The following CARM1 variants were observed in gnomAD, a reference collection of about 807,000 sequenced individuals.
CARM1 encodes the protein coactivator associated arginine methyltransferase 1.
A neutral mutation model predicts 72.7 loss-of-function variants in CARM1; 14 were observed. The observed-to-expected ratio is 0.19, with a 90% confidence interval of 0.13 to 0.30. The LOEUF is 0.30. Ranked by LOEUF, CARM1 falls within the 10% of genes least tolerant of loss-of-function variation. The pLI, the probability that CARM1 is intolerant of heterozygous loss-of-function variation, is 1.00. For synonymous variants in CARM1, 333 were observed against 345.5 expected, an observed-to-expected ratio of 0.96 and a Z score of 0.40; for missense variants, 432 against 833.7, an observed-to-expected ratio of 0.52 and a Z score of 5.93.
rs568491450 is a variant in CARM1 at position 10,921,947 on chromosome 19, C to T, written c.*190C>T. On this transcript the variant is annotated 3_prime_UTR_variant, in exon 16 of 16. Transcript: ENST00000327064. ...CCCACCCTAACCCCCACCTCCCGGC[C>T]CTGAGCGTGTGTCGCTGCCATATTT... 1.2e-5 allele frequency: 7 copies of T among 561,740 alleles called. No individual in the cohort carries two copies. The highest frequency in any genetic ancestry group is 2.2e-5 in the Non-Finnish European group (7 of 324,120). The allele number at this position is 561,740 out of a possible 1,614,324, so 34.8% of individuals were successfully genotyped here.
chr19:10,894,821 G>T (rs915663820), intron 1 of CARM1, among the ~76,000 whole-genome samples: 10 of 149,002 alleles, frequency 6.7e-5, no homozygotes, highest in Non-Finnish European at 1.2e-4. Context: ...GCTCACTGCA[G>T]CCTTGACCTC....
chr19:10,877,940 C>T (rs2073875766), intron 1 of CARM1, among the ~76,000 whole-genome samples: 1 of 152,170 alleles, frequency 6.6e-6, no homozygotes, highest in Admixed American at 6.5e-5. Context: ...CTCCTGGGCT[C>T]AAGTGATCCT....
At chr19:10,891,807 C>T (rs190405233) in intron 1 of CARM1, among the ~76,000 whole-genome samples, 78 of 152,354 alleles carry the variant, frequency 5.1e-4, no homozygotes, top group East Asian at 1.9e-4. Context: ...CCGCACTGCC[C>T]GTGACCTGTG....
chr19:10,915,030 A>G lies in CARM1; in HGVS notation c.847+976A>G, dbSNP rs1411710363. Among the ~76,000 whole-genome samples the G allele has an allele frequency of 1.3e-5, 2 of 152,178 alleles. No homozygotes were observed. Among genetic ancestry groups the G allele is most frequent in the African/African-American group, 4.8e-5 (2 of 41,440 alleles). ...CAGGTCCCCAGCCAGGGTAGCAGCCATGGGATGGAGCGTGGGCAGCAGCAG... is the reference window on the plus strand; with the variant it reads ...CAGGTCCCCAGCCAGGGTAGCAGCCGTGGGATGGAGCGTGGGCAGCAGCAG... On this transcript the variant is annotated intron_variant, in intron 6 of 15. Transcript: ENST00000327064. This position sits in a 1 kb window ranked among gnomAD's most constrained non-coding sequence, Gnocchi z 4.6.
intron 2 of CARM1, among the ~76,000 whole-genome samples, chr19:10,907,028 TC>T (rs2074111014): frequency 6.6e-6 from 1 of 151,700 alleles, no homozygotes; most frequent in South Asian, 2.1e-4. Context: ...CACCTCAGCC[TC>T]CTGAGTAGCT....
intron 1 of CARM1, among the ~76,000 whole-genome samples, chr19:10,872,989 G>T (rs2073831918): frequency 6.6e-6 from 1 of 152,084 alleles, no homozygotes; most frequent in African/African-American, 2.4e-5. Context: ...CCTGCACCTC[G>T]ACTTTGAAAA....
rs748481789 is a variant in CARM1, at chr19:10,903,023, TTC to T, written c.221-1926_221-1925del. 4.3e-4 allele frequency among the ~76,000 whole-genome samples: 66 copies of T among 152,272 alleles called. 1 individual carries two copies. Among genetic ancestry groups the T allele is most frequent in the Non-Finnish European group, 7.5e-4 (51 of 68,014 alleles). ...TATTTAGGTCATTGCTCCATTTGAG[TTC>T]TGTTTTGTTTGTATATGGTGTGAGG... On this transcript the variant is annotated intron_variant, in intron 1 of 15. Coordinates refer to ENST00000327064, the MANE Select transcript of CARM1 (RefSeq NM_199141.2).
At chr19:10,908,459 C>A in intron 3 of CARM1, 1 of 302,592 alleles carries the variant, frequency 3.3e-6, no homozygotes, top group Non-Finnish European at 6.4e-6. Context: ...GCATGCCAGG[C>A]CCTGGTCTAA....
At chr19:10,876,507 G>A (rs1020388917) in intron 1 of CARM1, among the ~76,000 whole-genome samples, 16 of 152,352 alleles carry the variant, frequency 1.1e-4, no homozygotes, top group Admixed American at 3.9e-4. Context: ...GGAGAGGCAC[G>A]TGGGGAGGAC....
chr19:10,888,693 C>T (rs775411327), intron 1 of CARM1, among the ~76,000 whole-genome samples: 21 of 152,304 alleles, frequency 1.4e-4, no homozygotes, highest in East Asian at 3.9e-4. Flanking sequence ...TAAGCTCCCG[C>T]GCTTTCTGGG....
At chr19:10,883,418 C>A (rs2073916765) in intron 1 of CARM1, among the ~76,000 whole-genome samples, 1 of 152,114 alleles carries the variant, frequency 6.6e-6, no homozygotes, top group South Asian at 2.1e-4. Context: ...TCTCCGGCAC[C>A]CTCTGGATCT....
At chr19:10,900,513 CTTTATT>C in intron 1 of CARM1, among the ~76,000 whole-genome samples, 1 of 152,194 alleles carries the variant, frequency 6.6e-6, no homozygotes, top group Middle Eastern at 3.4e-3. Context: ...TCAGTGCTTC[CTTTATT>C]TTTATGGCTG....
intron 1 of CARM1, among the ~76,000 whole-genome samples, chr19:10,899,723 CTTTT>C (rs1354982354): frequency 1.4e-5 from 2 of 141,950 alleles, no homozygotes; most frequent in Non-Finnish European, 3.1e-5. Context: ...TTTTCTTTTT[CTTTT>C]TTTTTTTTTT....
chr19:10,875,431 C>T (rs979102629), intron 1 of CARM1, among the ~76,000 whole-genome samples: 2 of 145,502 alleles, frequency 1.4e-5, no homozygotes, highest in South Asian at 2.2e-4. Context: ...CTTTTCTTTT[C>T]TTTTTTTTTT....
Position 10,921,806 on chromosome 19 carries a change from G to A in CARM1, c.*49G>A. 6.5e-7 allele frequency: 1 copy of A among 1,533,532 alleles called. No individual in the cohort carries two copies. Among genetic ancestry groups the A allele is most frequent in the Non-Finnish European group, 8.8e-7 (1 of 1,135,368 alleles). 95.0% of individuals were successfully genotyped at this position (1,533,532 alleles called of 1,614,324 possible). A position where few individuals can be genotyped will look rare whatever the true frequency, so the allele number is the denominator to read the frequency against. ...CACCAGGAAACCAAATGATGTCCCT[G>A]CCCGCCGCCCCCGCCGGGCGGCTTT... On this transcript the variant is annotated 3_prime_UTR_variant, in exon 16 of 16. Transcript: ENST00000327064.
At chr19:10,901,886 T>C (rs2074068765) in intron 1 of CARM1, among the ~76,000 whole-genome samples, 1 of 151,338 alleles carries the variant, frequency 6.6e-6, no homozygotes, top group Non-Finnish European at 1.5e-5. Context: ...GAGGCAGAGG[T>C]TGCAGTGAGC....
chr19:10,921,796 T>C lies in CARM1; in HGVS notation c.*39T>C. ...GGACTGACAGCACCAGGAAACCAAATGATGTCCCTGCCCGCCGCCCCCGCC... is the reference window on the plus strand; with the variant it reads ...GGACTGACAGCACCAGGAAACCAAACGATGTCCCTGCCCGCCGCCCCCGCC... On this transcript the variant is annotated 3_prime_UTR_variant, in exon 16 of 16. Transcript: ENST00000327064. 4 of 1,546,800 alleles carry C rather than the reference T, an allele frequency of 2.6e-6. No individual in the cohort carries two copies. The highest frequency in any genetic ancestry group is 2.6e-6 in the Non-Finnish European group (3 of 1,141,918).
At position 10,921,039 on chromosome 19, in the gene CARM1, T is replaced by C. The variant is rs1307100871; in HGVS notation, c.1538-11T>C. ...TGCCTCCAGCCCTGACGTCTCCCTC[T>C]CTGGACACAGGGATGCCGACCGCCT... On this transcript the variant is annotated splice_polypyrimidine_tract_variant and intron_variant, in intron 13 of 15. Coordinates refer to ENST00000327064, the MANE Select transcript of CARM1 (RefSeq NM_199141.2). 1.9e-6 allele frequency: 3 copies of C among 1,613,888 alleles called. No homozygotes were observed. In the South Asian group the frequency reaches 3.3e-5, roughly 18 times the overall value.
At chr19:10,882,415 T>C (rs1007936496) in intron 1 of CARM1, among the ~76,000 whole-genome samples, 3 of 152,030 alleles carry the variant, frequency 2.0e-5, no homozygotes, top group Non-Finnish European at 4.4e-5. Flanking sequence ...GGTGGGAGGA[T>C]TCGGTGAGTG....
Sources: allele counts gnomAD v4.1 joint callset (sites outside exome capture counted in the v4.1 genomes callset), GRCh38; gene constraint gnomAD v4.1.1; non-coding constraint Gnocchi (gnomAD v3.1); transcripts MANE v1.5; gene names NCBI Gene and HGNC (gene_info 2026-07-23, HGNC 2026-07-21).